ACMSD: variants seen among roughly 807,000 people sequenced by gnomAD.
ACMSD encodes aminocarboxymuconate semialdehyde decarboxylase.
A neutral mutation model predicts 45.9 loss-of-function variants in ACMSD; 37 were observed. The ratio of observed to expected loss-of-function variants is 0.81; its 90% CI spans 0.62 to 1.06. The LOEUF is 1.06. ACMSD is among the 50% of genes least tolerant of loss of function. ACMSD has a pLI of 0.00. For missense variants in ACMSD, 434 were observed against 420.9 expected (o/e 1.03, Z -0.27); for synonymous variants, 138 against 148.8 (o/e 0.93, Z 0.53).
chr2:134,883,081 C>T (rs577735635), intron 8 of ACMSD, among the ~76,000 whole-genome samples: 1 of 152,316 alleles, frequency 6.6e-6, no homozygotes, highest in African/African-American at 2.4e-5. Flanking sequence ...TCCAGGATTC[C>T]AGATGAGGCA....
intron 3 of ACMSD, 176 bp downstream of exon 3, chr2:134,859,533 G>A (rs1444415232): frequency 1.3e-5 from 7 of 551,186 alleles, no homozygotes; most frequent in African/African-American, 9.4e-5. Flanking sequence ...CTTTTAGAGT[G>A]TGGATTCAAA....
intron 2 of ACMSD, 33 bp from the exon 3 acceptor site, chr2:134,859,228 T>A: frequency 6.3e-7 from 1 of 1,583,148 alleles, no homozygotes; most frequent in Non-Finnish European, 8.7e-7. Context: ...TGGTCTTAGG[T>A]TGCATTTTAG....
intron 8 of ACMSD, 63 bp from the exon 9 acceptor site, chr2:134,898,278 T>C: frequency 1.0e-6 from 1 of 993,576 alleles, no homozygotes; most frequent in South Asian, 2.2e-5. Context: ...AGTAAACAAT[T>C]GTTTACAGGA....
At chr2:134,844,109 T>C (rs180998731) in intron 1 of ACMSD, among the ~76,000 whole-genome samples, 67 of 152,352 alleles carry the variant, frequency 4.4e-4, no homozygotes, top group African/African-American at 1.6e-3. Context: ...AATGATATGA[T>C]GCAGTATGAT....
At chr2:134,857,743 G>T (rs1356728584) in intron 2 of ACMSD, 1 of 151,336 alleles carries the variant, frequency 6.6e-6, no homozygotes, top group Non-Finnish European at 1.5e-5. Flanking sequence ...GAGCCCCCTT[G>T]TCATGTTCCT....
intron 3 of ACMSD, 34 bp downstream of exon 3, chr2:134,859,391 G>C (rs1478081030): frequency 6.3e-7 from 1 of 1,587,544 alleles, no homozygotes; most frequent in East Asian, 2.2e-5. Context: ...GTTAGCATCT[G>C]ATGTAAAAGC....
intron 8 of ACMSD, among the ~76,000 whole-genome samples, chr2:134,889,597 T>A (rs1331528720): frequency 6.6e-6 from 1 of 152,168 alleles, no homozygotes; most frequent in Non-Finnish European, 1.5e-5. Context: ...GTATAACAAT[T>A]GTTTACATAG....
chr2:134,860,108 C>A (rs1301432071), intron 3 of ACMSD, among the ~76,000 whole-genome samples: 1 of 152,082 alleles, frequency 6.6e-6, no homozygotes, highest in Non-Finnish European at 1.5e-5. Flanking sequence ...ACTAAACATA[C>A]AAAAATTAGC....
intron 2 of ACMSD, among the ~76,000 whole-genome samples, chr2:134,852,551 C>T (rs929419263): frequency 3.3e-5 from 5 of 152,126 alleles, no homozygotes; most frequent in Non-Finnish European, 5.9e-5. Context: ...AGCAAAGTAA[C>T]GTAGGCTTGA....
At position 134,845,228 on chromosome 2, in the gene ACMSD, T is replaced by C. The variant is rs2104813417; in HGVS notation, c.58-5T>C. On this transcript the variant is annotated splice_region_variant and splice_polypyrimidine_tract_variant and intron_variant, in intron 1 of 9. Transcript: ENST00000356140. ...TGACTCTAACTGTGCTTCTCCCCAC[T>C]GCAGAGGTTTGGCTACGGAGGCTGG... 1 of 1,614,090 alleles carries C rather than the reference T, an allele frequency of 6.2e-7. No homozygotes were observed. The highest frequency in any genetic ancestry group is 2.2e-5 in the East Asian group (1 of 44,874).
In ACMSD at chr2:134,901,784, T is replaced by C. The variant is rs764987329; in HGVS notation, c.949-14T>C. 1.0e-5 allele frequency: 16 copies of C among 1,589,172 alleles called. No homozygotes were observed. Among genetic ancestry groups the C allele is most frequent in the Non-Finnish European group, 1.4e-5 (16 of 1,165,134 alleles). The stretch of plus-strand genomic sequence containing the variant: ...CAACCAATAATGCTTTAAAATATTT[T>C]CTTTTCTTTTCAGAATAAACTCAAA... On this transcript the variant is annotated splice_polypyrimidine_tract_variant and intron_variant, in intron 9 of 9. Transcript: ENST00000356140.
In ACMSD at chr2:134,876,558, G is replaced by A. The variant is rs116401917; in HGVS notation, c.849+3917G>A. On this transcript the variant is annotated intron_variant, in intron 8 of 9. Transcript: ENST00000356140. ...CATCTTGTCCCACTGGAAGGTCTTCGGGGTCAATAACACAGCTGGAGCTGT... is the reference window on the plus strand; with the variant it reads ...CATCTTGTCCCACTGGAAGGTCTTCAGGGTCAATAACACAGCTGGAGCTGT... Among the ~76,000 whole-genome samples the A allele has an allele frequency of 8.4e-3, 1,286 of 152,190 alleles. 17 individuals are homozygous for A. The highest frequency in any genetic ancestry group is 0.029 in the African/African-American group (1,224 of 41,512).
intron 2 of ACMSD, among the ~76,000 whole-genome samples, chr2:134,851,497 G>A (rs1687343749): frequency 6.6e-6 from 1 of 151,920 alleles, no homozygotes; most frequent in Admixed American, 6.6e-5. Context: ...AGGCTGGAGT[G>A]CAGTGGTGTG....
intron 8 of ACMSD, among the ~76,000 whole-genome samples, chr2:134,883,075 G>A (rs1689132583): frequency 6.6e-6 from 1 of 152,186 alleles, no homozygotes; most frequent in Non-Finnish European, 1.5e-5. Context: ...TAGAATTCCA[G>A]GATTCCAGAT....
chr2:134,861,457 G>T (rs1687846424), intron 3 of ACMSD, among the ~76,000 whole-genome samples: 1 of 152,124 alleles, frequency 6.6e-6, no homozygotes, highest in Admixed American at 6.6e-5. Context: ...AACCTAACAT[G>T]TATTAACTCA....
Position 134,898,375 on chromosome 2 carries a change from C to T in ACMSD, c.884C>T (p.Pro295Leu), listed in dbSNP as rs1690297459. The change falls in exon 9 of 10, where the codon CCA (proline) becomes CTA (leucine). Residue 295 changes from proline (P) to leucine (L), a missense_variant. Transcript: ENST00000356140. ...ATTTTGGGAACCGATTACCCCTTTC[C>T]ACTAGGTGAGCTGGAACCTGGGAAA... Reference protein sequence around the residue: ...KVILGTDYPFPLGELEPGKLI... With the variant: ...KVILGTDYPFLLGELEPGKLI... The T allele has an allele frequency of 1.9e-6, 3 of 1,600,416 alleles. No individual in the cohort carries two copies. Among genetic ancestry groups the T allele is most frequent in the Non-Finnish European group, 2.6e-6 (3 of 1,174,036 alleles).
intron 9 of ACMSD, among the ~76,000 whole-genome samples, chr2:134,901,057 C>A (rs1359358551): frequency 6.6e-6 from 1 of 152,118 alleles, no homozygotes; most frequent in Non-Finnish European, 1.5e-5. Flanking sequence ...CTCAAATCAC[C>A]CACTTTTCAA....
chr2:134,851,645 G>C (rs534058479), intron 2 of ACMSD, among the ~76,000 whole-genome samples: 1 of 152,268 alleles, frequency 6.6e-6, no homozygotes, highest in Admixed American at 6.5e-5. Context: ...GTTTCACCAT[G>C]TTGGCCAGAA....
intron 8 of ACMSD, among the ~76,000 whole-genome samples, chr2:134,887,481 G>A (rs1466549895): frequency 6.6e-6 from 1 of 152,110 alleles, no homozygotes; most frequent in Non-Finnish European, 1.5e-5. Flanking sequence ...TCGGCTCACT[G>A]CAACCTGTGC....
Sources: gnomAD v4.1 joint callset for allele counts (sites outside exome capture counted in the v4.1 genomes callset) on GRCh38, gnomAD v4.1.1 for gene constraint, MANE v1.5 for transcripts, NCBI Gene and HGNC (gene_info 2026-07-23, HGNC 2026-07-21) for gene names.